Variants in MED24 observed in about 807,000 individuals in gnomAD.
MED24 encodes the protein mediator of RNA polymerase II transcription subunit 24.
A neutral mutation model predicts 118.8 loss-of-function variants in MED24; 74 were observed. That is an observed-to-expected ratio of 0.62 (90% CI 0.52 to 0.76). The LOEUF is 0.76. Among genes scored for constraint, MED24 ranks in the 30% least tolerant of loss-of-function variants. MED24 has a pLI of 0.00. For synonymous variants in MED24, 521 were observed against 523.9 expected (o/e 0.99, Z 0.08); for missense variants, 1,041 against 1,278.9 (o/e 0.81, Z 2.84).
In MED24 at chr17:40,036,098, G is replaced by C. The variant is rs756324225; in HGVS notation, c.252+18C>G. Reference sequence around the variant, plus strand: ...GTCTGTCATCCCCAATCTAGCTCCTGAGTGTCTATGGTCATACCTTACTGA... The same window carrying C: ...GTCTGTCATCCCCAATCTAGCTCCTCAGTGTCTATGGTCATACCTTACTGA... On this transcript the variant is annotated intron_variant, in intron 4 of 25. Coordinates refer to ENST00000394128, the MANE Select transcript of MED24 (RefSeq NM_014815.4). 4.4e-6 allele frequency: 7 copies of C among 1,607,380 alleles called. No individual in the cohort carries two copies. The highest frequency in any genetic ancestry group is 6.0e-6 in the Non-Finnish European group (7 of 1,173,784).
intron 5 of MED24, 74 bp from the exon 6 acceptor site, chr17:40,035,423 A>G (rs1983822681): frequency 2.8e-6 from 4 of 1,424,550 alleles, no homozygotes; most frequent in Non-Finnish European, 3.8e-6. Flanking sequence ...TGTTCCCCAG[A>G]GTCCCTGGCA....
chr17:40,035,704 C>G lies in MED24; in HGVS notation c.326+18G>C, dbSNP rs544436685. On this transcript the variant is annotated intron_variant, in intron 5 of 25. Coordinates refer to ENST00000394128, the MANE Select transcript of MED24 (RefSeq NM_014815.4). ...GGCTGGAACATTGTATTGTGAGCCC[C>G]CTTACCCCTGCCCTTACCTCAGACG... 6.2e-7 allele frequency: 1 copy of G among 1,611,578 alleles called. No individual in the cohort carries two copies. Among genetic ancestry groups the G allele is most frequent in the Non-Finnish European group, 8.5e-7 (1 of 1,177,848 alleles).
chr17:40,026,755 G>A lies in MED24; in HGVS notation c.1710-9C>T. On this transcript the variant is annotated splice_polypyrimidine_tract_variant and intron_variant, in intron 17 of 25. Transcript: ENST00000394128. ...CATGCCACTTCATCTGCCTGCGGGTGTGCAGAGAAGTCAGCACAGGGGAGC... is the reference window on the plus strand; with the variant it reads ...CATGCCACTTCATCTGCCTGCGGGTATGCAGAGAAGTCAGCACAGGGGAGC... 1 of 1,611,286 alleles carries A rather than the reference G, an allele frequency of 6.2e-7. No homozygotes were observed. The highest frequency in any genetic ancestry group is 1.3e-5 in the African/African-American group (1 of 75,004).
intron 3 of MED24, among the ~76,000 whole-genome samples, chr17:40,052,683 C>T (rs369140748): frequency 6.6e-6 from 1 of 152,034 alleles, no homozygotes; most frequent in East Asian, 1.9e-4. Context: ...CTCACTGTAG[C>T]CTCAAACTCC....
intron 24 of MED24, 119 bp from the exon 25 acceptor site, chr17:40,020,052 A>T: frequency 1.6e-6 from 2 of 1,251,696 alleles, no homozygotes; most frequent in Non-Finnish European, 2.3e-6. Context: ...TGTCCCCAAA[A>T]TGGGGTGTCA....
chr17:40,033,471 G>T lies in MED24; in HGVS notation c.560-15C>A, dbSNP rs1476847154. On this transcript the variant is annotated splice_polypyrimidine_tract_variant and intron_variant, in intron 6 of 25. Coordinates refer to ENST00000394128, the MANE Select transcript of MED24 (RefSeq NM_014815.4). The surrounding 1 kb of genome is among the most constrained non-coding windows in gnomAD (Gnocchi z 5.2). ...AGTCCAAGAAGCTGGCAGAGGGAAG[G>T]AAGTACAGAAACATGATGGGAAACA... 6.4e-7 allele frequency: 1 copy of T among 1,556,506 alleles called. No homozygotes were observed. Among genetic ancestry groups the T allele is most frequent in the Non-Finnish European group, 8.7e-7 (1 of 1,145,970 alleles).
chr17:40,052,606 G>A (rs954781657), intron 3 of MED24, among the ~76,000 whole-genome samples: 1 of 151,512 alleles, frequency 6.6e-6, no homozygotes, highest in Non-Finnish European at 1.5e-5. Context: ...TCTTTTGCTT[G>A]TTGTTGTTTT....
intron 3 of MED24, among the ~76,000 whole-genome samples, chr17:40,048,994 G>A (rs1431100683): frequency 6.6e-6 from 1 of 152,118 alleles, no homozygotes; most frequent in Non-Finnish European, 1.5e-5. Context: ...GGAGGCATGA[G>A]ATCAAATACA....
chr17:40,026,658 C>G lies in MED24; in HGVS notation c.1798G>C (p.Glu600Gln). 2 of 1,608,878 alleles carry G rather than the reference C, an allele frequency of 1.2e-6. No individual in the cohort carries two copies. The highest frequency in any genetic ancestry group is 1.7e-6 in the Non-Finnish European group (2 of 1,177,370). ...GAAGGCGGGGCTACCTGGATGGACTCGAAGGCCAGGACCCCATTCTCCCAG... is the reference window on the plus strand; with the variant it reads ...GAAGGCGGGGCTACCTGGATGGACTGGAAGGCCAGGACCCCATTCTCCCAG... ...NAWENGVLAFESIQKITDNIK... is the reference protein window; with the variant it reads ...NAWENGVLAFQSIQKITDNIK... Residue 600 changes from glutamate to glutamine, a missense_variant, in exon 18 of 26, where the codon GAG becomes CAG. Around this residue, in one of 3 missense-constraint regions of MED24, gnomAD observed 587 missense variants for 694.4 expected, o/e 0.85. Coordinates refer to ENST00000394128, the MANE Select transcript of MED24 (RefSeq NM_014815.4).
chr17:40,053,248 T>G, intron 3 of MED24, 50 bp downstream of exon 3: 1 of 1,521,736 alleles, frequency 6.6e-7, no homozygotes, highest in Non-Finnish European at 8.9e-7. Context: ...ACTCCAAGTT[T>G]TTTACCCCCA....
At position 40,036,160 on chromosome 17, in the gene MED24, G is replaced by A. The variant is rs1183134039; in HGVS notation, c.214-6C>T. ...ACAGAAGAGTAGGACACCATCTGGA[G>A]AGAAGGAAGAAAGATAATCTTTAGA... On this transcript the variant is annotated splice_region_variant and splice_polypyrimidine_tract_variant and intron_variant, in intron 3 of 25. Transcript: ENST00000394128. 2 of 1,609,446 alleles carry A rather than the reference G, an allele frequency of 1.2e-6. No homozygotes were observed. The highest frequency in any genetic ancestry group is 2.2e-5 in the East Asian group (1 of 44,864).
At chr17:40,050,690 G>C (rs1985743013) in intron 3 of MED24, among the ~76,000 whole-genome samples, 1 of 152,184 alleles carries the variant, frequency 6.6e-6, no homozygotes, top group African/African-American at 2.4e-5. Context: ...CACATATAGA[G>C]TGAACTAACA....
rs1403642518 is a variant in MED24, at chr17:40,019,307, C to T, written c.*222G>A. ...CTGGGCTTGTGGTCCAGGCTGCTCA[C>T]TCTCCTCAGGTGCCAGCAGATGGAG... On this transcript the variant is annotated 3_prime_UTR_variant, in exon 26 of 26. Transcript: ENST00000394128. 3.6e-5 allele frequency: 20 copies of T among 558,784 alleles called. No homozygotes were observed. The highest frequency in any genetic ancestry group is 6.4e-5 in the Non-Finnish European group (20 of 314,146). 34.6% of individuals were successfully genotyped at this position (558,784 alleles called of 1,614,324 possible).
rs1236835595 is a variant in MED24 at position 40,019,646 on chromosome 17, C to T, written c.2854-1G>A. ...CTGACACCTTCACCAGTTCCGACAC[C>T]TGCCACGGACAGACAGATGCTGCTT... is the stretch of plus-strand genomic sequence containing the variant. On this transcript the variant is annotated splice_acceptor_variant, in intron 25 of 25. Coordinates refer to ENST00000394128, the MANE Select transcript of MED24 (RefSeq NM_014815.4). LOFTEE classifies it high-confidence loss of function. 2.5e-6 allele frequency: 4 copies of T among 1,588,890 alleles called. No individual in the cohort carries two copies.
chr17:40,045,572 C>T (rs1985076581), intron 3 of MED24, among the ~76,000 whole-genome samples: 1 of 152,150 alleles, frequency 6.6e-6, no homozygotes, highest in South Asian at 2.1e-4. Flanking sequence ...GTAGATTGAG[C>T]TCAAGAGTTC....
In MED24 at chr17:40,022,374, A is replaced by G. The variant is rs3213762; in HGVS notation, c.2523+20T>C. On this transcript the variant is annotated intron_variant, in intron 22 of 25. Transcript: ENST00000394128. Reference sequence around the variant, plus strand: ...AACCGGTGAACAAGTGAAGCCGGCGAGGGCAGCTGGGGGGCCTACCTCAAT... The same window carrying G: ...AACCGGTGAACAAGTGAAGCCGGCGGGGGCAGCTGGGGGGCCTACCTCAAT... The G allele has an allele frequency of 0.37, 595,430 of 1,593,310 alleles. 112,677 individuals carry two copies. Among genetic ancestry groups the G allele is most frequent in the East Asian group, 0.44 (19,465 of 44,196 alleles).
At chr17:40,051,659 A>T (rs1052209503) in intron 3 of MED24, among the ~76,000 whole-genome samples, 7 of 152,170 alleles carry the variant, frequency 4.6e-5, no homozygotes, top group South Asian at 4.2e-4. Context: ...GTGGTGGCTC[A>T]TGCCTGCAAT....
chr17:40,023,967 G>T (rs560365401), intron 19 of MED24, among the ~76,000 whole-genome samples: 1 of 152,302 alleles, frequency 6.6e-6, no homozygotes, highest in East Asian at 1.9e-4. Context: ...GGAATGCAGG[G>T]TGGCTCTGGG....
chr17:40,032,406 CCTAT>C, intron 9 of MED24: 1 of 573,718 alleles, frequency 1.7e-6, no homozygotes, highest in Non-Finnish European at 3.1e-6. Flanking sequence ...CTGCCCTGCA[CCTAT>C]CTGTCTGATG....
Sources: allele counts gnomAD v4.1 joint callset (sites outside exome capture counted in the v4.1 genomes callset), GRCh38; gene constraint gnomAD v4.1.1; regional missense constraint gnomAD v4.1.1; non-coding constraint Gnocchi (gnomAD v3.1); transcripts MANE v1.5; gene names NCBI Gene and HGNC (gene_info 2026-07-23, HGNC 2026-07-21).